GRIP1: variants seen among roughly 807,000 people sequenced by gnomAD.
The protein encoded by GRIP1 is glutamate receptor interacting protein 1, also known as glutamate receptor-interacting protein 1.
GRIP1 carries 45 observed loss-of-function variants against 129.9 expected under a neutral mutation model. That is an observed-to-expected ratio of 0.35 (90% CI 0.27 to 0.44). GRIP1 has a LOEUF of 0.44. GRIP1 is among the 20% of genes least tolerant of loss of function. GRIP1 has a pLI of 1.00. For missense variants in GRIP1, 1,196 were observed against 1,396.8 expected, an observed-to-expected ratio of 0.86 and a Z score of 2.29; for synonymous variants, 530 against 520.8, an observed-to-expected ratio of 1.02 and a Z score of -0.24.
At chr12:66,387,622 G>T (rs1231751445) in intron 19 of GRIP1, among the ~76,000 whole-genome samples, 2 of 152,154 alleles carry the variant, frequency 1.3e-5, no homozygotes, top group Non-Finnish European at 2.9e-5. Context: ...CAGAGCAAAT[G>T]ATAAACATGA....
intron 1 of GRIP1, among the ~76,000 whole-genome samples, chr12:67,058,587 G>A (rs1228145615): frequency 3.9e-5 from 6 of 152,262 alleles, no homozygotes; most frequent in Non-Finnish European, 5.9e-5. Flanking sequence ...TACGTTTGCC[G>A]ATAAAATACA....
At chr12:66,865,824 A>T (rs1234962926) in intron 1 of GRIP1, among the ~76,000 whole-genome samples, 1 of 152,144 alleles carries the variant, frequency 6.6e-6, no homozygotes, top group East Asian at 1.9e-4. Flanking sequence ...TTTTTAGATT[A>T]TCTCTCTTCC....
In GRIP1 at chr12:66,948,105, G is replaced by A. The variant is rs115744124; in HGVS notation, c.58+120945C>T. ...CAGAGAAAGCTGAAAACCTAAAACC[G>A]GATGATGTGTTTATTCCCAAGGCCA... On this transcript the variant is annotated intron_variant, in intron 1 of 1. Coordinates refer to the GRIP1 transcript ENST00000643019. Among the ~76,000 whole-genome samples, 718 of 152,256 alleles carry A rather than the reference G, an allele frequency of 4.7e-3. 7 individuals are homozygous for A. Among genetic ancestry groups the A allele is most frequent in the African/African-American group, 0.016 (679 of 41,536 alleles).
chr12:66,900,560 T>C (rs1223236578), intron 1 of GRIP1, among the ~76,000 whole-genome samples: 1 of 152,194 alleles, frequency 6.6e-6, no homozygotes, highest in Non-Finnish European at 1.5e-5. Flanking sequence ...TACACTGCTA[T>C]AGCAGGTCCA....
intron 11 of GRIP1, among the ~76,000 whole-genome samples, chr12:66,454,550 G>T (rs141989812): frequency 6.6e-6 from 1 of 152,158 alleles, no homozygotes; most frequent in Non-Finnish European, 1.5e-5. Flanking sequence ...CAATAGAAAC[G>T]ATAAATGTAG....
chr12:66,827,696 C>T (rs907587433), intron 1 of GRIP1, among the ~76,000 whole-genome samples: 3 of 152,050 alleles, frequency 2.0e-5, no homozygotes, highest in Non-Finnish European at 4.4e-5. Flanking sequence ...GCAAGAATGA[C>T]AATGTTGATT....
intron 1 of GRIP1, among the ~76,000 whole-genome samples, chr12:66,670,318 C>CA (rs773645439): frequency 2.2e-4 from 33 of 152,226 alleles, no homozygotes; most frequent in Non-Finnish European, 3.1e-4. Flanking sequence ...ATAGTAAGGA[C>CA]AAAAAATCAC....
chr12:66,402,229 T>C (rs2057028059), intron 16 of GRIP1, among the ~76,000 whole-genome samples: 1 of 152,246 alleles, frequency 6.6e-6, no homozygotes, highest in African/African-American at 2.4e-5. Flanking sequence ...TTGTGGAATA[T>C]TTTGTGCATA....
chr12:67,057,114 C>A (rs577230719), intron 1 of GRIP1, among the ~76,000 whole-genome samples: 67 of 152,212 alleles, frequency 4.4e-4, no homozygotes, highest in Middle Eastern at 3.4e-3. Context: ...CCGTGCCTGG[C>A]CGGACTGAAT....
chr12:66,861,637 T>G (rs1363212255), intron 1 of GRIP1, among the ~76,000 whole-genome samples: 2 of 152,118 alleles, frequency 1.3e-5, no homozygotes, highest in Non-Finnish European at 2.9e-5. Context: ...AAATCTAGTT[T>G]TCTTATTACC....
rs113155980 is a variant in GRIP1, at chr12:66,804,130, C to G, written c.-497G>C. 4.9e-3 allele frequency: 2,248 copies of G among 455,842 alleles called. 50 individuals are homozygous for G. Among genetic ancestry groups the G allele is most frequent in the African/African-American group, 0.04 (1,995 of 50,120 alleles). The allele number at this position is 455,842 out of a possible 1,614,324, so 28.2% of individuals were successfully genotyped here. On this transcript the variant is annotated 5_prime_UTR_variant, in exon 1 of 5. Coordinates refer to the GRIP1 transcript ENST00000538373. ...ATCCTCTTCTGGTCGGTACTTTTTC[C>G]CCTTTCTTCTCCTAGATCTTCTTAT...
At chr12:66,530,545 T>C (rs1014555317) in intron 4 of GRIP1, among the ~76,000 whole-genome samples, 13 of 152,192 alleles carry the variant, frequency 8.5e-5, no homozygotes, top group Non-Finnish European at 1.9e-4. Context: ...GCTTATGTTG[T>C]GTTTGCATGA....
chr12:66,922,250 A>C (rs2041225123), intron 1 of GRIP1, among the ~76,000 whole-genome samples: 1 of 152,166 alleles, frequency 6.6e-6, no homozygotes, highest in Non-Finnish European at 1.5e-5. Context: ...CACATCAGTA[A>C]CCCCCAAAGC....
At chr12:66,540,360 A>C (rs1337715435) in intron 3 of GRIP1, among the ~76,000 whole-genome samples, 1 of 152,220 alleles carries the variant, frequency 6.6e-6, no homozygotes, top group Non-Finnish European at 1.5e-5. Flanking sequence ...TAATACTTTT[A>C]ATTACAGAAT....
chr12:66,610,927 T>C (rs1592644151), intron 1 of GRIP1, among the ~76,000 whole-genome samples: 1 of 152,278 alleles, frequency 6.6e-6, no homozygotes, highest in East Asian at 1.9e-4. Context: ...ATCTACTGAA[T>C]GATTTGGGTA....
chr12:66,590,612 T>C (rs879831291), intron 2 of GRIP1, among the ~76,000 whole-genome samples: 3 of 152,192 alleles, frequency 2.0e-5, no homozygotes, highest in Non-Finnish European at 4.4e-5. Context: ...GCAGAACATG[T>C]GAATGAATCA....
intron 7 of GRIP1, among the ~76,000 whole-genome samples, chr12:66,510,895 A>G (rs1459918258): frequency 6.6e-6 from 1 of 152,202 alleles, no homozygotes. Context: ...TGGCAATGAA[A>G]AGGTGCTCCA....
At chr12:66,777,733 C>T (rs576918917) in intron 1 of GRIP1, among the ~76,000 whole-genome samples, 14 of 152,150 alleles carry the variant, frequency 9.2e-5, no homozygotes, top group Non-Finnish European at 1.9e-4. Flanking sequence ...CATACCTACA[C>T]ACACACGAAC....
At chr12:66,809,793 C>T (rs12581388) in intron 1 of GRIP1, among the ~76,000 whole-genome samples, 10,137 of 151,764 alleles carry the variant, frequency 0.067, 384 homozygotes, top group East Asian at 0.16. Flanking sequence ...CTGAGTAGCT[C>T]GGACTACAGG....
Sources: allele counts gnomAD v4.1 joint callset (sites outside exome capture counted in the v4.1 genomes callset), GRCh38; gene constraint gnomAD v4.1.1; transcripts MANE v1.5; gene names NCBI Gene and HGNC (gene_info 2026-07-23, HGNC 2026-07-21).